Variants in LRP6 observed in about 807,000 individuals in gnomAD.
LRP6 encodes low-density lipoprotein receptor-related protein 6.
In LRP6, 43 loss-of-function variants were observed where a neutral mutation model predicts 184.1. That is an observed-to-expected ratio of 0.23 (90% CI 0.18 to 0.30). LRP6 has a LOEUF of 0.30. Among genes scored for constraint, LRP6 ranks in the 10% least tolerant of loss-of-function variants. LRP6 has a pLI of 1.00. For missense variants in LRP6, 1,571 were observed against 2,005.3 expected, an observed-to-expected ratio of 0.78 and a Z score of 4.14; for synonymous variants, 719 against 684.9, an observed-to-expected ratio of 1.05 and a Z score of -0.78.
chr12:12,168,050 C>A (rs981733386), intron 7 of LRP6, among the ~76,000 whole-genome samples: 1 of 151,970 alleles, frequency 6.6e-6, no homozygotes, highest in Admixed American at 6.6e-5. Flanking sequence ...AAACAGTAAA[C>A]AAAAAAGAAC....
chr12:12,265,290 T>C (rs1005085319), intron 1 of LRP6, among the ~76,000 whole-genome samples: 1 of 152,212 alleles, frequency 6.6e-6, no homozygotes, highest in Non-Finnish European at 1.5e-5. Context: ...TAATGAACAC[T>C]ACCTTTCCGG....
intron 1 of LRP6, 92 bp downstream of exon 1, chr12:12,266,589 C>T (rs932797951): frequency 2.2e-5 from 25 of 1,130,544 alleles, no homozygotes; most frequent in Non-Finnish European, 3.0e-5. Flanking sequence ...CCCCTTCTCC[C>T]TTCCTCCGTC....
intron 2 of LRP6, among the ~76,000 whole-genome samples, chr12:12,220,071 GAGGTCAGGAATTA>G (rs1864448159): frequency 6.6e-6 from 1 of 152,038 alleles, no homozygotes. Context: ...CGGATCACCT[GAGGTCAGGAATTA>G]AGAGACCAGA....
intron 1 of LRP6, among the ~76,000 whole-genome samples, chr12:12,266,128 T>G (rs997053079): frequency 6.6e-6 from 1 of 152,126 alleles, no homozygotes; most frequent in Non-Finnish European, 1.5e-5. Context: ...CCGGAGTCAC[T>G]TTCCAACTGC....
At chr12:12,154,707 A>G (rs937889749) in intron 12 of LRP6, among the ~76,000 whole-genome samples, 1 of 152,128 alleles carries the variant, frequency 6.6e-6, no homozygotes, top group African/African-American at 2.4e-5. Context: ...TCTTAAAAAG[A>G]GGGAAAAAAG....
intron 17 of LRP6, among the ~76,000 whole-genome samples, chr12:12,133,993 T>C (rs7971789): frequency 0.073 from 11,094 of 152,180 alleles, 1,267 homozygotes; most frequent in African/African-American, 0.25. Context: ...TAACTCTTTG[T>C]ACATATCTGA....
chr12:12,139,775 A>G (rs1949903567), intron 15 of LRP6, among the ~76,000 whole-genome samples: 1 of 152,164 alleles, frequency 6.6e-6, no homozygotes, highest in Non-Finnish European at 1.5e-5. Flanking sequence ...ATAAACCCAT[A>G]AGGACAAAGA....
chr12:12,160,548 G>A (rs1230473258), intron 10 of LRP6, among the ~76,000 whole-genome samples: 5 of 152,134 alleles, frequency 3.3e-5, no homozygotes, highest in African/African-American at 1.2e-4. Flanking sequence ...TAAGAACAAC[G>A]ACTCACCCCT....
chr12:12,219,929 T>C (rs943079762), intron 2 of LRP6, among the ~76,000 whole-genome samples: 1 of 152,082 alleles, frequency 6.6e-6, no homozygotes, highest in African/African-American at 2.4e-5. Flanking sequence ...GCAAGCCCCA[T>C]AAGCAATCCA....
At chr12:12,180,694 T>C (rs1037590294) in intron 6 of LRP6, among the ~76,000 whole-genome samples, 1 of 152,126 alleles carries the variant, frequency 6.6e-6, no homozygotes, top group Non-Finnish European at 1.5e-5. Flanking sequence ...TATAAAGTAC[T>C]GAAAATGGAA....
At chr12:12,188,872 A>G (rs988337732) in intron 3 of LRP6, among the ~76,000 whole-genome samples, 6 of 152,244 alleles carry the variant, frequency 3.9e-5, no homozygotes, top group Admixed American at 6.5e-5. Context: ...ATTTCACACT[A>G]AAGTCTTCCA....
At chr12:12,216,838 C>T (rs376813655) in intron 2 of LRP6, among the ~76,000 whole-genome samples, 1 of 151,386 alleles carries the variant, frequency 6.6e-6, no homozygotes, top group African/African-American at 2.4e-5. Flanking sequence ...ACACACCCTC[C>T]CCCTCCCTCC....
chr12:12,214,736 T>C (rs1157990991), intron 2 of LRP6, among the ~76,000 whole-genome samples: 1 of 152,212 alleles, frequency 6.6e-6, no homozygotes, highest in Admixed American at 6.5e-5. Flanking sequence ...GTTTTCTCCA[T>C]TTGAAACCAA....
rs533921302 is a variant in LRP6, at chr12:12,180,132, T to C, written c.1374-151A>G. The C allele has an allele frequency of 1.2e-5, 8 of 659,656 alleles. No individual in the cohort carries two copies. In the East Asian group the frequency reaches 1.9e-4, roughly 16 times the overall value. 40.9% of individuals were successfully genotyped at this position (659,656 alleles called of 1,614,324 possible). A position where few individuals can be genotyped will look rare whatever the true frequency, so the allele number is the denominator to read the frequency against. On this transcript the variant is annotated intron_variant, in intron 6 of 22. Transcript: ENST00000261349. Reference sequence around the variant, plus strand: ...AAAAAAAAACATATGAAGAGGTGTTTAAGACATTTATCCCAGCAATATATA... The same window carrying C: ...AAAAAAAAACATATGAAGAGGTGTTCAAGACATTTATCCCAGCAATATATA...
chr12:12,135,787 C>T (rs866446886), intron 16 of LRP6, among the ~76,000 whole-genome samples: 3 of 152,078 alleles, frequency 2.0e-5, no homozygotes, highest in Middle Eastern at 3.4e-3. Context: ...CTACTTCTAT[C>T]TAACCACTGT....
intron 2 of LRP6, among the ~76,000 whole-genome samples, chr12:12,209,102 T>C (rs1423025746): frequency 3.3e-5 from 5 of 152,212 alleles, no homozygotes; most frequent in African/African-American, 1.2e-4. Flanking sequence ...ATGCATTACT[T>C]GAGATTACGT....
At chr12:12,155,545 C>A (rs142482162) in intron 12 of LRP6, 4 of 745,194 alleles carry the variant, frequency 5.4e-6, no homozygotes, top group African/African-American at 3.5e-5. Context: ...ATATTCAGCA[C>A]GTTAAGCACG....
chr12:12,157,974 T>TCA (rs927978283), intron 12 of LRP6, among the ~76,000 whole-genome samples: 33 of 151,896 alleles, frequency 2.2e-4, no homozygotes, highest in East Asian at 1.3e-3. Context: ...GATGAGGGAG[T>TCA]CACACACACA....
intron 1 of LRP6, among the ~76,000 whole-genome samples, chr12:12,265,731 T>C (rs1412774036): frequency 6.6e-6 from 1 of 152,162 alleles, no homozygotes; most frequent in Non-Finnish European, 1.5e-5. Context: ...ACTAAATAGT[T>C]TGAGAAGAGC....
Sources: gnomAD v4.1 joint callset for allele counts (sites outside exome capture counted in the v4.1 genomes callset) on GRCh38, gnomAD v4.1.1 for gene constraint, MANE v1.5 for transcripts, NCBI Gene and HGNC (gene_info 2026-07-23, HGNC 2026-07-21) for gene names.